Variants in GPC5 observed in about 807,000 individuals in gnomAD.
GPC5 encodes glypican 5, also known as glypican-5.
A neutral mutation model predicts 53.9 loss-of-function variants in GPC5; 47 were observed. That is an observed-to-expected ratio of 0.87 (90% CI 0.69 to 1.11). The LOEUF is 1.11. Among genes scored for constraint, GPC5 ranks in the 50% most tolerant of loss-of-function variants. The pLI, the probability that GPC5 is intolerant of heterozygous loss-of-function variation, is 0.00. For synonymous variants in GPC5, 286 were observed against 263.3 expected, an observed-to-expected ratio of 1.09 and a Z score of -0.84; for missense variants, 748 against 713.1, an observed-to-expected ratio of 1.05 and a Z score of -0.56.
At position 92,070,553 on chromosome 13, in the gene GPC5, G is replaced by A. The variant is rs118077556; in HGVS notation, c.1402-74277G>A. Among the ~76,000 whole-genome samples, 773 of 152,212 alleles carry A rather than the reference G, an allele frequency of 5.1e-3. 4 individuals carry two copies. Among genetic ancestry groups the A allele is most frequent in the Non-Finnish European group, 8.1e-3 (550 of 68,006 alleles). ...TAGATTTCTAGATACTTTCATTACT[G>A]TAATCCCCTTTTATAGGAAATTTTT... On this transcript the variant is annotated intron_variant, in intron 6 of 7. Transcript: ENST00000377067.
At chr13:92,447,804 A>C (rs1877890350) in intron 7 of GPC5, 1 of 152,162 alleles carries the variant, frequency 6.6e-6, no homozygotes, top group African/African-American at 2.4e-5. Flanking sequence ...ACATATGTTT[A>C]AGAGTGCTAT....
chr13:92,816,492 T>C (rs1356275178), intron 7 of GPC5, among the ~76,000 whole-genome samples: 1 of 152,078 alleles, frequency 6.6e-6, no homozygotes, highest in Non-Finnish European at 1.5e-5. Context: ...CGGAAAGATT[T>C]AGCTACATTG....
intron 7 of GPC5, among the ~76,000 whole-genome samples, chr13:92,537,543 A>G (rs746453282): frequency 2.0e-5 from 3 of 152,116 alleles, no homozygotes; most frequent in Non-Finnish European, 4.4e-5. Context: ...TGTTCATGTC[A>G]CTAGCTTCTT....
At chr13:91,763,800 A>G (rs1417301926) in intron 5 of GPC5, among the ~76,000 whole-genome samples, 1 of 152,162 alleles carries the variant, frequency 6.6e-6, no homozygotes, top group Non-Finnish European at 1.5e-5. Context: ...TATAACAAAT[A>G]TAGTCACCCC....
rs185882326 is a variant in GPC5, at chr13:92,663,562, C to A, written c.1562-202720C>A. Among the ~76,000 whole-genome samples, 19 of 134,428 alleles carry A rather than the reference C, an allele frequency of 1.4e-4. No homozygotes were observed. In the Admixed American group the frequency reaches 1.5e-3, roughly 11 times the overall value. The allele number at this position is 134,428 out of a possible 152,430, so 88.2% of individuals were successfully genotyped here. On this transcript the variant is annotated intron_variant, in intron 7 of 7. Coordinates refer to ENST00000377067, the MANE Select transcript of GPC5 (RefSeq NM_004466.6). Reference sequence around the variant, plus strand: ...GACCAGCCTGTCCAATATGGTGAAACCCTGTTTCTACTAAATATATATATA... The same window carrying A: ...GACCAGCCTGTCCAATATGGTGAAAACCTGTTTCTACTAAATATATATATA...
intron 7 of GPC5, among the ~76,000 whole-genome samples, chr13:92,695,389 C>A (rs918485603): frequency 2.0e-5 from 3 of 152,148 alleles, no homozygotes; most frequent in African/African-American, 4.8e-5. Flanking sequence ...CTTATTAACA[C>A]CCTTGTAAAA....
At chr13:91,878,203 A>G (rs975871349) in intron 5 of GPC5, among the ~76,000 whole-genome samples, 2 of 152,220 alleles carry the variant, frequency 1.3e-5, no homozygotes, top group Non-Finnish European at 2.9e-5. Context: ...GTGTAATAAT[A>G]TGAGTTTTCC....
At chr13:91,979,489 T>G (rs935961302) in intron 6 of GPC5, among the ~76,000 whole-genome samples, 33 of 152,330 alleles carry the variant, frequency 2.2e-4, no homozygotes, top group Middle Eastern at 3.4e-3. Context: ...TGACTATTCT[T>G]AGAAAATGGG....
chr13:91,703,329 A>C lies in GPC5; in HGVS notation c.1020+9448A>C, dbSNP rs548769183. On this transcript the variant is annotated intron_variant, in intron 3 of 7. Coordinates refer to ENST00000377067, the MANE Select transcript of GPC5 (RefSeq NM_004466.6). ...TGTGGGATTGTGATATATGGCCCTT[A>C]TTGTATTGAGATAAATTCCTCCTAT... Among the ~76,000 whole-genome samples, 3 of 152,188 alleles carry C rather than the reference A, an allele frequency of 2.0e-5. No individual in the cohort carries two copies. In the South Asian group the frequency reaches 6.2e-4, roughly 32 times the overall value.
At chr13:92,861,733 TTTC>T (rs1201163572) in intron 7 of GPC5, among the ~76,000 whole-genome samples, 1 of 152,126 alleles carries the variant, frequency 6.6e-6, no homozygotes, top group East Asian at 1.9e-4. Flanking sequence ...AACTATTAAT[TTTC>T]TTTTTATAGA....
At chr13:91,857,610 CTT>C (rs920713912) in intron 5 of GPC5, among the ~76,000 whole-genome samples, 3 of 146,818 alleles carry the variant, frequency 2.0e-5, no homozygotes, top group African/African-American at 7.5e-5. Flanking sequence ...GTGTTTCATT[CTT>C]TTTTCTTGCT....
chr13:92,709,133 C>T (rs1219275869), intron 7 of GPC5, among the ~76,000 whole-genome samples: 6 of 151,646 alleles, frequency 4.0e-5, no homozygotes, highest in Non-Finnish European at 8.8e-5. Context: ...CTGCAACCTC[C>T]GCCTCCAGGT....
intron 2 of GPC5, among the ~76,000 whole-genome samples, chr13:91,560,946 T>A (rs953842358): frequency 6.6e-6 from 1 of 152,038 alleles, no homozygotes; most frequent in African/African-American, 2.4e-5. Context: ...ATACCACACA[T>A]ACCAAAACTC....
At chr13:91,821,712 C>A (rs1042176534) in intron 5 of GPC5, among the ~76,000 whole-genome samples, 10 of 151,846 alleles carry the variant, frequency 6.6e-5, no homozygotes, top group African/African-American at 2.4e-4. Context: ...TTCTTCTAAT[C>A]TATTCATATG....
At chr13:92,233,397 C>T (rs1051152435) in intron 7 of GPC5, among the ~76,000 whole-genome samples, 4 of 152,142 alleles carry the variant, frequency 2.6e-5, no homozygotes, top group Admixed American at 1.3e-4. Context: ...ACTAGGTCAT[C>T]GGATGGGGCT....
intron 7 of GPC5, among the ~76,000 whole-genome samples, chr13:92,194,466 A>G (rs2042244122): frequency 1.3e-5 from 2 of 152,230 alleles, no homozygotes; most frequent in Non-Finnish European, 2.9e-5. Context: ...TGTCTGAGCA[A>G]TTTTGAAAGG....
At chr13:91,742,129 G>C (rs1274252569) in intron 4 of GPC5, among the ~76,000 whole-genome samples, 1 of 152,154 alleles carries the variant, frequency 6.6e-6, no homozygotes, top group East Asian at 1.9e-4. Context: ...ATGAGCTCAT[G>C]AGCTACAAGG....
Position 91,939,744 on chromosome 13 carries a change from G to A in GPC5, c.1401+31687G>A, listed in dbSNP as rs190807552. On this transcript the variant is annotated intron_variant, in intron 6 of 7. Transcript: ENST00000377067. The stretch of plus-strand genomic sequence containing the variant: ...TCAGAAGATTAGACCACATATGAGA[G>A]GATGAAGTCATCAAGCAAGACTACC... Among the ~76,000 whole-genome samples, 225 of 152,214 alleles carry A rather than the reference G, an allele frequency of 1.5e-3. 1 individual carries two copies. The Middle Eastern group carries it at 0.054, about 37-fold the overall frequency.
chr13:92,374,798 A>G (rs1053349237), intron 7 of GPC5, among the ~76,000 whole-genome samples: 27 of 149,974 alleles, frequency 1.8e-4, no homozygotes, highest in African/African-American at 6.4e-4. Flanking sequence ...GCACATGTAT[A>G]CATATGTAAC....
Sources: gnomAD v4.1 joint callset for allele counts (sites outside exome capture counted in the v4.1 genomes callset) on GRCh38, gnomAD v4.1.1 for gene constraint, MANE v1.5 for transcripts, NCBI Gene and HGNC (gene_info 2026-07-23, HGNC 2026-07-21) for gene names.